The following FBXO4 variants were observed in gnomAD, a reference collection of about 807,000 sequenced individuals.
The protein encoded by FBXO4 is F-box only protein 4.
Under a neutral mutation model 43.7 loss-of-function variants are expected in FBXO4, and 36 were observed. The ratio of observed to expected loss-of-function variants is 0.82; its 90% CI spans 0.63 to 1.09. FBXO4 has a LOEUF of 1.09. Among genes scored for constraint, FBXO4 ranks in the 50% least tolerant of loss-of-function variants. FBXO4 has a pLI of 0.00. For synonymous variants in FBXO4, 180 were observed against 165.6 expected (o/e 1.09, Z -0.67); for missense variants, 435 against 474.1 (o/e 0.92, Z 0.77).
chr5:41,934,196 C>G lies in FBXO4; in HGVS notation c.786C>G (p.His262Gln), dbSNP rs1273165731. The part of the protein sequence containing the change: ...TSAVNKMFSR[H>Q]NEGDDQQGSR... ...CAGTTAACAAGATGTTCAGTCGACA[C>G]AATGAAGGTGATGATCAACAAGGAA... Residue 262 changes from histidine to glutamine, a missense_variant, in exon 5 of 7, where the codon CAC (histidine) becomes CAG (glutamine). His to Gln is a conservative substitution (Grantham distance 24). Transcript: ENST00000281623. The G allele has an allele frequency of 2.5e-6, 4 of 1,614,000 alleles. No individual in the cohort carries two copies. Among genetic ancestry groups the G allele is most frequent in the Non-Finnish European group, 3.4e-6 (4 of 1,179,978 alleles).
the FBXO4 span, among the ~76,000 whole-genome samples, chr5:41,974,006 C>T: frequency 6.6e-6 from 1 of 152,132 alleles, no homozygotes; most frequent in Non-Finnish European, 1.5e-5. Context: ...GGATAGAATT[C>T]TGGGTTGAGA....
chr5:41,997,673 G>A, the FBXO4 span, among the ~76,000 whole-genome samples: 8 of 152,210 alleles, frequency 5.3e-5, no homozygotes, highest in African/African-American at 1.9e-4. Flanking sequence ...TTTAACTGGA[G>A]GACCACAATG....
the FBXO4 span, among the ~76,000 whole-genome samples, chr5:41,978,967 ATC>A: frequency 3.3e-5 from 5 of 152,212 alleles, no homozygotes; most frequent in Admixed American, 6.5e-5. Context: ...TTAAGCAGGC[ATC>A]AGCAATTTTT....
At chr5:41,998,745 A>C in the FBXO4 span, among the ~76,000 whole-genome samples, 1 of 152,140 alleles carries the variant, frequency 6.6e-6, no homozygotes, top group Non-Finnish European at 1.5e-5. Flanking sequence ...ACAGTTTACA[A>C]ACTCAGTGAC....
At chr5:41,962,046 G>C in the FBXO4 span, among the ~76,000 whole-genome samples, 1 of 152,130 alleles carries the variant, frequency 6.6e-6, no homozygotes, top group Non-Finnish European at 1.5e-5. Context: ...AGACTCTTTA[G>C]TGGGCCTTTC....
At chr5:41,995,570 G>A in the FBXO4 span, among the ~76,000 whole-genome samples, 1 of 152,170 alleles carries the variant, frequency 6.6e-6, no homozygotes, top group African/African-American at 2.4e-5. Context: ...GGGCCCATTG[G>A]GTGATGACAG....
At position 41,939,405 on chromosome 5, in the gene FBXO4, T is replaced by C. The variant is rs77671645; in HGVS notation, c.899-36T>C. On this transcript the variant is annotated intron_variant, in intron 5 of 6. Coordinates refer to ENST00000281623, the MANE Select transcript of FBXO4 (RefSeq NM_012176.3). ...TTATTATTTTCAAAACTATTAAAAG[T>C]AATGCAAATTAAGGGTTTTGACTTA... 1.7e-3 allele frequency: 2,594 copies of C among 1,515,462 alleles called. 7 individuals carry two copies. Among genetic ancestry groups the C allele is most frequent in the African/African-American group, 0.013 (940 of 71,726 alleles). The allele number at this position is 1,515,462 out of a possible 1,614,324, so 93.9% of individuals were successfully genotyped here. A position where few individuals can be genotyped will look rare whatever the true frequency, so the allele number is the denominator to read the frequency against.
At chr5:41,997,279 A>T in the FBXO4 span, among the ~76,000 whole-genome samples, 10 of 152,360 alleles carry the variant, frequency 6.6e-5, no homozygotes, top group East Asian at 1.9e-3. Context: ...ATTCTCCATG[A>T]TCCATCTCTT....
the FBXO4 span, among the ~76,000 whole-genome samples, chr5:42,032,186 C>T: frequency 6.6e-6 from 1 of 151,714 alleles, no homozygotes; most frequent in Non-Finnish European, 1.5e-5. Flanking sequence ...AGACCTGAAG[C>T]CAGCACAGCA....
chr5:41,990,592 A>G, the FBXO4 span, among the ~76,000 whole-genome samples: 1 of 152,220 alleles, frequency 6.6e-6, no homozygotes, highest in Non-Finnish European at 1.5e-5. Context: ...TGCTCCAGGA[A>G]TAATACCAAT....
At chr5:41,980,343 G>C in the FBXO4 span, among the ~76,000 whole-genome samples, 7 of 152,132 alleles carry the variant, frequency 4.6e-5, no homozygotes, top group Non-Finnish European at 1.0e-4. Flanking sequence ...ATACTTTCTT[G>C]TGTTATCATT....
the FBXO4 span, chr5:41,968,160 G>A: frequency 3.9e-6 from 1 of 254,648 alleles, no homozygotes. Flanking sequence ...GACTGCAAAG[G>A]CAACAATTTT....
chr5:41,978,516 GT>G, the FBXO4 span, among the ~76,000 whole-genome samples: 1 of 152,054 alleles, frequency 6.6e-6, no homozygotes. Flanking sequence ...TTGGTAAGTG[GT>G]TTTTTTAGGG....
At chr5:41,984,935 T>G in the FBXO4 span, among the ~76,000 whole-genome samples, 3 of 152,212 alleles carry the variant, frequency 2.0e-5, no homozygotes, top group Non-Finnish European at 4.4e-5. Context: ...TTGCTGTCAG[T>G]ACACAACTTC....
the FBXO4 span, among the ~76,000 whole-genome samples, chr5:42,023,271 C>A: frequency 9.9e-5 from 15 of 152,164 alleles, no homozygotes; most frequent in African/African-American, 3.6e-4. Context: ...TAACGTATTG[C>A]TTGGAGAAAC....
the FBXO4 span, among the ~76,000 whole-genome samples, chr5:42,017,729 A>G: frequency 6.6e-6 from 1 of 151,862 alleles, no homozygotes; most frequent in East Asian, 1.9e-4. Flanking sequence ...CACTTAGGGT[A>G]ATGGCCTCCA....
chr5:42,028,130 G>C, the FBXO4 span, among the ~76,000 whole-genome samples: 1 of 151,794 alleles, frequency 6.6e-6, no homozygotes, highest in Non-Finnish European at 1.5e-5. Context: ...TGCTGAAATG[G>C]GGTGTTGAAG....
the FBXO4 span, among the ~76,000 whole-genome samples, chr5:41,982,466 GC>G: frequency 9.0e-4 from 136 of 151,872 alleles, no homozygotes; most frequent in African/African-American, 3.3e-3. Flanking sequence ...GTTTTAATTT[GC>G]ATATATTTGA....
the FBXO4 span, among the ~76,000 whole-genome samples, chr5:42,029,582 C>A: frequency 6.6e-6 from 1 of 151,784 alleles, no homozygotes; most frequent in Admixed American, 6.6e-5. Flanking sequence ...CTCAGATTTG[C>A]CATCTTGAGG....
Sources: allele counts gnomAD v4.1 joint callset (sites outside exome capture counted in the v4.1 genomes callset), GRCh38; gene constraint gnomAD v4.1.1; transcripts MANE v1.5; gene names NCBI Gene and HGNC (gene_info 2026-07-23, HGNC 2026-07-21).